Variants in PTPRS observed in about 807,000 individuals in gnomAD.
PTPRS encodes protein tyrosine phosphatase receptor type S.
In PTPRS, 63 loss-of-function variants were observed where a neutral mutation model predicts 215.3. The observed-to-expected ratio is 0.29, with a 90% CI of 0.24 to 0.36. PTPRS has a LOEUF of 0.36. Ranked by LOEUF, PTPRS falls within the 10% of genes least tolerant of loss-of-function variation. The pLI is 1.00. For missense variants in PTPRS, 2,258 were observed against 2,825.8 expected (o/e 0.80, Z 4.56); for synonymous variants, 1,404 against 1,191.4 (o/e 1.18, Z -3.68).
intron 6 of PTPRS, among the ~76,000 whole-genome samples, chr19:5,261,846 G>C (rs2046018244): frequency 1.3e-5 from 2 of 152,214 alleles, no homozygotes; most frequent in South Asian, 4.1e-4. Context: ...AGGCCACTCT[G>C]CACCCTTTAG....
chr19:5,230,672 G>A (rs1268780977), intron 14 of PTPRS, among the ~76,000 whole-genome samples: 1 of 152,140 alleles, frequency 6.6e-6, no homozygotes, highest in Non-Finnish European at 1.5e-5. Context: ...TGTTGCCTAG[G>A]CTGGTCTCAA....
At chr19:5,264,014 G>C (rs1309272384) in intron 5 of PTPRS, among the ~76,000 whole-genome samples, 1 of 152,202 alleles carries the variant, frequency 6.6e-6, no homozygotes, top group East Asian at 1.9e-4. Context: ...TGGACCCACA[G>C]ATGGGCCATG....
Position 5,208,192 on chromosome 19 carries a change from G to A in PTPRS, c.5642+45C>T, listed in dbSNP as rs1342894720. On this transcript the variant is annotated intron_variant, in intron 36 of 37. Coordinates refer to ENST00000262963, the MANE Select transcript of PTPRS (RefSeq NM_002850.4). ...TTGGGGCTGTCCCCACCAGGCCTCAGTTTCCCCAGCAGGGCCAAAAGCTGG... is the reference window on the plus strand; with the variant it reads ...TTGGGGCTGTCCCCACCAGGCCTCAATTTCCCCAGCAGGGCCAAAAGCTGG... The A allele has an allele frequency of 1.9e-6, 3 of 1,558,992 alleles. No homozygotes were observed. In the African/African-American group the frequency reaches 4.1e-5, roughly 21 times the overall value.
intron 35 of PTPRS, among the ~76,000 whole-genome samples, chr19:5,208,946 T>C (rs2040617194): frequency 6.6e-6 from 1 of 152,180 alleles, no homozygotes; most frequent in Non-Finnish European, 1.5e-5. Context: ...ACTCCATCAC[T>C]GTCCATAGCT....
chr19:5,320,706 G>A (rs1320325813), intron 1 of PTPRS, among the ~76,000 whole-genome samples: 3 of 152,058 alleles, frequency 2.0e-5, no homozygotes, highest in Non-Finnish European at 4.4e-5. Flanking sequence ...GATTACAGGC[G>A]TGAGCCACCA....
chr19:5,278,881 T>C lies in PTPRS; in HGVS notation c.92-4537A>G, dbSNP rs138743982. Among the ~76,000 whole-genome samples the C allele has an allele frequency of 6.5e-3, 986 of 151,946 alleles. 12 individuals carry two copies. The highest frequency in any genetic ancestry group is 0.023 in the African/African-American group (950 of 41,416). On this transcript the variant is annotated intron_variant, in intron 2 of 37. Transcript: ENST00000262963. ...TAATAAAGTGTCGCAAATGGTACCG[T>C]TGTACGATTTTTTAAAATGAAAAAA...
At chr19:5,260,340 C>T (rs2238638) in intron 7 of PTPRS, among the ~76,000 whole-genome samples, 10,358 of 152,084 alleles carry the variant, frequency 0.068, 550 homozygotes, top group East Asian at 0.18. Context: ...CCACCATGCC[C>T]GGCTAATTTT....
chr19:5,220,299 C>T lies in PTPRS; in HGVS notation c.3510G>A (p.Leu1170=). 6.2e-7 allele frequency: 1 copy of T among 1,614,100 alleles called. No individual in the cohort carries two copies. ...TGTCCTCTGGGCTACCCAGCGGGGTCAGGAATTGGCCTCCACGAGACTTGC... is the reference window on the plus strand; with the variant it reads ...TGTCCTCTGGGCTACCCAGCGGGGTTAGGAATTGGCCTCCACGAGACTTGC... ...PLRKSRGGQF[L]TPLGSPEDMD... is the part of the protein sequence containing the mutation. Residue 1170 remains leucine, a synonymous_variant, in exon 21 of 38, where the codon CTG becomes CTA. Transcript: ENST00000262963.
chr19:5,265,344 TTC>T (rs1008915854), intron 4 of PTPRS, 148 bp from the exon 5 acceptor site: 6 of 688,746 alleles, frequency 8.7e-6, no homozygotes, highest in Admixed American at 3.0e-5. Flanking sequence ...TTACAGCCAG[TTC>T]TCTCTCTTTT....
chr19:5,220,382 G>A (rs372841763), intron 20 of PTPRS, 29 bp from the exon 21 acceptor site: 13 of 1,580,496 alleles, frequency 8.2e-6, no homozygotes, highest in African/African-American at 5.4e-5. Context: ...GAGTCAGAGG[G>A]GCTGTCGATA....
intron 25 of PTPRS, 37 bp from the exon 26 acceptor site, chr19:5,216,804 A>AG: frequency 7.1e-7 from 1 of 1,404,432 alleles, no homozygotes; most frequent in African/African-American, 1.4e-5. Flanking sequence ...GAAAACATGC[A>AG]GGGGGTAGGG....
chr19:5,242,042 G>A (rs1022882015), intron 11 of PTPRS, among the ~76,000 whole-genome samples: 2 of 151,814 alleles, frequency 1.3e-5, no homozygotes, highest in African/African-American at 4.8e-5. Context: ...ACCATTATTG[G>A]CCAGGCTGGT....
rs563193806 is a variant in PTPRS, at chr19:5,216,813, G to A, written c.4049-46C>T. On this transcript the variant is annotated intron_variant, in intron 25 of 37. Coordinates refer to ENST00000262963, the MANE Select transcript of PTPRS (RefSeq NM_002850.4). ...ATAAATGAAAACATGCAGGGGGTAGGGGGGGGTCCCACCTCTGCCTCCCCC... is the reference window on the plus strand; with the variant it reads ...ATAAATGAAAACATGCAGGGGGTAGAGGGGGGTCCCACCTCTGCCTCCCCC... 1.4e-4 allele frequency: 197 copies of A among 1,377,212 alleles called. 2 individuals carry two copies. The South Asian group carries it at 2.3e-3, about 16-fold the overall frequency. The allele number at this position is 1,377,212 out of a possible 1,614,324, so 85.3% of individuals were successfully genotyped here. A position where few individuals can be genotyped will look rare whatever the true frequency, so the allele number is the denominator to read the frequency against.
At position 5,231,337 on chromosome 19, in the gene PTPRS, G is replaced by A. The variant is rs1420442830; in HGVS notation, c.2128C>T (p.Pro710Ser). 1 of 1,610,896 alleles carries A rather than the reference G, an allele frequency of 6.2e-7. No homozygotes were observed. Among genetic ancestry groups the A allele is most frequent in the Admixed American group, 1.7e-5 (1 of 60,010 alleles). ...TEVGPGPESS[P>S]VVVRTDEDVP... ...TCCTCGTCGGTGCGGACGACCACGG[G>A]CGAGCTCTCGGGCCCTGGTCCCACC... is the stretch of plus-strand genomic sequence containing the variant. Residue 710 changes from proline (P) to serine (S), a missense_variant, in exon 14 of 38, where the codon CCC (proline) becomes TCC (serine). By Grantham distance (74) the Pro-to-Ser change is moderately conservative (BLOSUM62 -1). This residue lies in a region of PTPRS where 371 missense variants were observed against 446.7 expected (regional missense o/e 0.83). Transcript: ENST00000262963.
At chr19:5,317,734 T>C (rs977692841) in intron 1 of PTPRS, among the ~76,000 whole-genome samples, 1 of 152,088 alleles carries the variant, frequency 6.6e-6, no homozygotes, top group Non-Finnish European at 1.5e-5. Context: ...GTGGGGTGTG[T>C]GGCCCACCTA....
intron 15 of PTPRS, 74 bp from the exon 16 acceptor site, chr19:5,229,416 G>A (rs1437392413): frequency 5.9e-6 from 8 of 1,345,514 alleles, no homozygotes; most frequent in Non-Finnish European, 7.7e-6. Context: ...AGAAAGAGAA[G>A]CAGAGGTGGG....
Position 5,295,505 on chromosome 19 carries a change from C to CT in PTPRS, c.-94-9272_-94-9271insA, listed in dbSNP as rs142594495. 0.11 allele frequency among the ~76,000 whole-genome samples: 16,761 copies of CT among 152,172 alleles called. 1,200 individuals are homozygous for CT. Among genetic ancestry groups the CT allele is most frequent in the Admixed American group, 0.23 (3,551 of 15,292 alleles). On this transcript the variant is annotated intron_variant, in intron 1 of 37. Transcript: ENST00000262963. This position sits in a 1 kb window ranked among gnomAD's most constrained non-coding sequence, Gnocchi z 4.6. ...CTGGGTGGCCCCATCAGCACAGAGC[C>CT]CTACATGCGCCTAGTCCCCGGGTCT...
At chr19:5,259,852 G>A (rs903279773) in intron 7 of PTPRS, among the ~76,000 whole-genome samples, 9 of 152,160 alleles carry the variant, frequency 5.9e-5, no homozygotes, top group East Asian at 1.9e-4. Flanking sequence ...TAAAGACTCC[G>A]TCCCCATAGA....
chr19:5,222,078 C>T (rs767264251), intron 19 of PTPRS, 45 bp downstream of exon 19: 2 of 1,524,326 alleles, frequency 1.3e-6, no homozygotes, highest in Admixed American at 1.7e-5. Context: ...GAACTACAAC[C>T]CCTGACCCTG....
Sources: allele counts gnomAD v4.1 joint callset (sites outside exome capture counted in the v4.1 genomes callset), GRCh38; gene constraint gnomAD v4.1.1; regional missense constraint gnomAD v4.1.1; non-coding constraint Gnocchi (gnomAD v3.1); transcripts MANE v1.5; gene names NCBI Gene and HGNC (gene_info 2026-07-23, HGNC 2026-07-21).